The following HLCS variants were observed in gnomAD, a reference collection of about 807,000 sequenced individuals.
The protein encoded by HLCS is biotin--protein ligase.
A neutral mutation model predicts 75.0 loss-of-function variants in HLCS; 53 were observed. That is an observed-to-expected ratio of 0.71 (90% CI 0.57 to 0.89). The LOEUF (loss-of-function observed/expected upper bound fraction) is 0.89, where lower values mean the gene tolerates loss of function less well. HLCS is among the 40% of genes least tolerant of loss of function. The probability of loss-of-function intolerance (pLI) is 0.00; values close to 1 mark genes in which losing one functional copy is unlikely to be tolerated. For missense variants in HLCS, 966 were observed against 1,074.0 expected (o/e 0.90, Z 1.41); for synonymous variants, 431 against 428.6 (o/e 1.01, Z -0.07).
intron 6 of HLCS, among the ~76,000 whole-genome samples, chr21:36,875,495 C>A (rs1242088115): frequency 2.0e-5 from 3 of 152,224 alleles, no homozygotes; most frequent in African/African-American, 7.2e-5. Context: ...CAGAAAGGAG[C>A]TACCCACCAT....
chr21:36,868,732 C>T (rs931753764), intron 6 of HLCS, among the ~76,000 whole-genome samples: 3 of 152,222 alleles, frequency 2.0e-5, no homozygotes, highest in East Asian at 1.9e-4. Context: ...TTGGCTGGCA[C>T]GACGACTTTG....
intron 6 of HLCS, among the ~76,000 whole-genome samples, chr21:36,870,779 C>T (rs1486990109): frequency 6.6e-6 from 1 of 152,056 alleles, no homozygotes; most frequent in Non-Finnish European, 1.5e-5. Flanking sequence ...AATTCAAATA[C>T]TAAGAGAAGA....
intron 1 of HLCS, among the ~76,000 whole-genome samples, chr21:36,982,747 C>G (rs528698088): frequency 6.6e-6 from 1 of 152,222 alleles, no homozygotes; most frequent in South Asian, 2.1e-4. Flanking sequence ...AAAACTCTGG[C>G]AGGCCAAGTG....
At chr21:36,814,715 T>C (rs2145974822) in intron 6 of HLCS, among the ~76,000 whole-genome samples, 1 of 152,322 alleles carries the variant, frequency 6.6e-6, no homozygotes, top group South Asian at 2.1e-4. Flanking sequence ...TTAACGTGCA[T>C]ACAAATCACC....
chr21:36,888,445 A>AAAAAATATAT (rs2064596202), intron 6 of HLCS, among the ~76,000 whole-genome samples: 1 of 24,104 alleles, frequency 4.1e-5, no homozygotes, highest in African/African-American at 1.3e-4. Flanking sequence ...AAAAAAAAAA[A>AAAAAATATAT]ATATATATAT....
At chr21:36,917,721 G>A (rs2065991786) in intron 5 of HLCS, among the ~76,000 whole-genome samples, 1 of 152,106 alleles carries the variant, frequency 6.6e-6, no homozygotes, top group Non-Finnish European at 1.5e-5. Context: ...CCGGGGAGGT[G>A]AGCTCAGCCT....
At chr21:36,801,715 A>G (rs1216311742) in intron 6 of HLCS, among the ~76,000 whole-genome samples, 1 of 152,214 alleles carries the variant, frequency 6.6e-6, no homozygotes, top group Non-Finnish European at 1.5e-5. Context: ...AACTTCAGAT[A>G]TTAATTTGCT....
chr21:36,858,258 T>C (rs1242892734), intron 6 of HLCS, among the ~76,000 whole-genome samples: 1 of 152,250 alleles, frequency 6.6e-6, no homozygotes, highest in Non-Finnish European at 1.5e-5. Context: ...TATTTTAATA[T>C]TTAATTCACT....
At chr21:36,974,863 A>C (rs893936277) in intron 1 of HLCS, 4 of 152,166 alleles carry the variant, frequency 2.6e-5, no homozygotes, top group African/African-American at 9.7e-5. Context: ...CTGTTGTTGA[A>C]GCCCCAGTCT....
chr21:36,947,448 G>C (rs3827190), intron 2 of HLCS: 29 of 985,212 alleles, frequency 2.9e-5, no homozygotes, highest in Non-Finnish European at 3.5e-5. Flanking sequence ...CTGATACGTC[G>C]TCCAGGGTGT....
chr21:36,759,587 A>G lies in HLCS; in HGVS notation c.2236+140T>C, dbSNP rs926465752. 49 of 674,438 alleles carry G rather than the reference A, an allele frequency of 7.3e-5. 1 individual carries two copies. The highest frequency in any genetic ancestry group is 1.3e-4 in the Non-Finnish European group (48 of 370,220). 41.8% of individuals were successfully genotyped at this position (674,438 alleles called of 1,614,324 possible). A position where few individuals can be genotyped will look rare whatever the true frequency, so the allele number is the denominator to read the frequency against. ...GCTTTCGACCAATCTCTCTGCATCT[A>G]TACCCTGCTCCAAAACTACAAGACT... On this transcript the variant is annotated intron_variant, in intron 9 of 10. Transcript: ENST00000674895.
At position 36,752,114 on chromosome 21, in the gene HLCS, T is replaced by C. The variant is rs1451315659; in HGVS notation, c.*2132A>G. On this transcript the variant is annotated 3_prime_UTR_variant, in exon 11 of 11. Coordinates refer to ENST00000674895, the MANE Select transcript of HLCS (RefSeq NM_001352514.2). ...CGGAGTTTTGAGAGTCTTTGGTTCATGTGAGGCAAAATCAGGTTTATGGAA... is the reference window on the plus strand; with the variant it reads ...CGGAGTTTTGAGAGTCTTTGGTTCACGTGAGGCAAAATCAGGTTTATGGAA... 2.0e-5 allele frequency: 3 copies of C among 152,636 alleles called. No homozygotes were observed. Among genetic ancestry groups the C allele is most frequent in the African/African-American group, 4.8e-5 (2 of 41,452 alleles). The allele number at this position is 152,636 out of a possible 1,614,324, so 9.5% of individuals were successfully genotyped here. A position where few individuals can be genotyped will look rare whatever the true frequency, so the allele number is the denominator to read the frequency against.
chr21:36,792,464 G>A (rs1023171134), intron 6 of HLCS, among the ~76,000 whole-genome samples: 5 of 146,324 alleles, frequency 3.4e-5, no homozygotes, highest in Non-Finnish European at 6.0e-5. Flanking sequence ...AAGGGGGGGA[G>A]GGAAGGGAGA....
At chr21:36,892,346 G>T (rs764413805) in intron 6 of HLCS, among the ~76,000 whole-genome samples, 1 of 152,168 alleles carries the variant, frequency 6.6e-6, no homozygotes, top group African/African-American at 2.4e-5. Flanking sequence ...AACGCGGGTT[G>T]CCAGACAGCG....
chr21:36,784,002 C>T (rs1455037407), intron 6 of HLCS, among the ~76,000 whole-genome samples: 8 of 152,116 alleles, frequency 5.3e-5, no homozygotes, highest in African/African-American at 1.9e-4. Flanking sequence ...GGGGTATCTT[C>T]AGCTATAGAT....
chr21:36,956,259 G>A (rs892894748), intron 2 of HLCS, among the ~76,000 whole-genome samples: 1 of 152,060 alleles, frequency 6.6e-6, no homozygotes, highest in Admixed American at 6.5e-5. Context: ...CAGGGGGTGG[G>A]GAGGCACGTG....
intron 2 of HLCS, among the ~76,000 whole-genome samples, chr21:36,958,517 A>C (rs1268346656): frequency 6.6e-6 from 1 of 151,958 alleles, no homozygotes. Flanking sequence ...GGCCGGGAAC[A>C]GTGGCTCACG....
At chr21:36,958,253 A>AAAGAAAGAAAG (rs1555969613) in intron 2 of HLCS, among the ~76,000 whole-genome samples, 82 of 135,936 alleles carry the variant, frequency 6.0e-4, no homozygotes, top group African/African-American at 1.6e-3. Flanking sequence ...AAAAAAAAAA[A>AAAGAAAGAAAG]AAAGAAAGAA....
intron 6 of HLCS, among the ~76,000 whole-genome samples, chr21:36,887,460 C>T (rs1163785317): frequency 6.6e-6 from 1 of 152,082 alleles, no homozygotes; most frequent in Non-Finnish European, 1.5e-5. Flanking sequence ...ACCAAGAACA[C>T]TAAAAATTAA....
Sources: gnomAD v4.1 joint callset for allele counts (sites outside exome capture counted in the v4.1 genomes callset) on GRCh38, gnomAD v4.1.1 for gene constraint, MANE v1.5 for transcripts, NCBI Gene and HGNC (gene_info 2026-07-23, HGNC 2026-07-21) for gene names.